LRBA: variants seen among roughly 807,000 people sequenced by gnomAD.
LRBA encodes LPS responsive beige-like anchor protein, also known as lipopolysaccharide-responsive and beige-like anchor protein.
A neutral mutation model predicts 330.0 loss-of-function variants in LRBA; 176 were observed. The observed-to-expected ratio is 0.53, with a 90% CI of 0.47 to 0.60. LRBA has a LOEUF of 0.60. Ranked by LOEUF, LRBA falls within the 20% of genes least tolerant of loss-of-function variation. The probability of loss-of-function intolerance (pLI) is 0.00; values close to 1 mark genes in which losing one functional copy is unlikely to be tolerated. For missense variants in LRBA, 3,259 were observed against 3,444.8 expected (o/e 0.95, Z 1.35); for synonymous variants, 1,230 against 1,193.0 (o/e 1.03, Z -0.64).
chr4:150,912,852 C>CGAAG (rs1330262749), intron 9 of LRBA, among the ~76,000 whole-genome samples: 3 of 152,134 alleles, frequency 2.0e-5, no homozygotes, highest in Non-Finnish European at 4.4e-5. Context: ...CCATAATCTT[C>CGAAG]TCTCTTAGAC....
intron 48 of LRBA, among the ~76,000 whole-genome samples, chr4:150,346,915 T>C (rs761974988): frequency 1.1e-4 from 17 of 152,148 alleles, no homozygotes; most frequent in Non-Finnish European, 2.5e-4. Context: ...TGTACATCCA[T>C]ACTCTTGGCC....
intron 46 of LRBA, among the ~76,000 whole-genome samples, chr4:150,431,107 A>C (rs1297365204): frequency 6.6e-6 from 1 of 152,190 alleles, no homozygotes. Context: ...GTTACATAAA[A>C]TTTGGTCATA....
At chr4:150,849,976 T>TA (rs905917321) in intron 24 of LRBA, among the ~76,000 whole-genome samples, 1 of 151,156 alleles carries the variant, frequency 6.6e-6, no homozygotes, top group African/African-American at 2.4e-5. Context: ...CTTACACAAA[T>TA]AAAAAAAAAT....
chr4:150,978,532 C>T (rs562702669), intron 2 of LRBA, among the ~76,000 whole-genome samples: 1 of 152,276 alleles, frequency 6.6e-6, no homozygotes, highest in East Asian at 1.9e-4. Flanking sequence ...CAAAAAACTA[C>T]ATAAAGAACC....
chr4:150,558,671 C>T (rs950596971), intron 40 of LRBA, among the ~76,000 whole-genome samples: 2 of 152,128 alleles, frequency 1.3e-5, no homozygotes, highest in African/African-American at 4.8e-5. Context: ...ATTGAGTATT[C>T]TCATTGCTAC....
intron 35 of LRBA, among the ~76,000 whole-genome samples, chr4:150,760,102 G>C (rs1734869236): frequency 6.6e-6 from 1 of 152,076 alleles, no homozygotes; most frequent in Admixed American, 6.6e-5. Context: ...CAGAACATTT[G>C]TGTATTTAAT....
intron 2 of LRBA, among the ~76,000 whole-genome samples, chr4:150,954,082 C>A (rs1284277538): frequency 6.7e-6 from 1 of 149,892 alleles, no homozygotes; most frequent in Non-Finnish European, 1.5e-5. Context: ...GCCCCTCCAC[C>A]CAGCAGCCGC....
chr4:150,315,862 G>A (rs1158513671), intron 50 of LRBA, among the ~76,000 whole-genome samples: 1 of 152,160 alleles, frequency 6.6e-6, no homozygotes, highest in South Asian at 2.1e-4. Flanking sequence ...TAGGCCATAA[G>A]CTATAGCAGA....
chr4:150,965,798 C>T (rs1237700743), intron 2 of LRBA, among the ~76,000 whole-genome samples: 2 of 151,896 alleles, frequency 1.3e-5, no homozygotes, highest in Non-Finnish European at 2.9e-5. Context: ...TCCACCTCGG[C>T]CTTGCAAAGT....
intron 2 of LRBA, among the ~76,000 whole-genome samples, chr4:150,965,723 TA>T (rs1326076114): frequency 6.6e-6 from 1 of 151,422 alleles, no homozygotes; most frequent in Admixed American, 6.6e-5. Flanking sequence ...TTTTTTTTTT[TA>T]ATACAGATGG....
intron 46 of LRBA, among the ~76,000 whole-genome samples, chr4:150,428,920 C>T (rs1268062125): frequency 6.6e-6 from 1 of 152,096 alleles, no homozygotes; most frequent in Admixed American, 6.5e-5. Flanking sequence ...ACTTCCCTTG[C>T]TCAGAACCCT....
At chr4:150,818,664 C>T (rs1051568804) in intron 30 of LRBA, among the ~76,000 whole-genome samples, 4 of 151,786 alleles carry the variant, frequency 2.6e-5, no homozygotes, top group Non-Finnish European at 5.9e-5. Context: ...AAATTTAAAA[C>T]CCATTGCTTA....
intron 37 of LRBA, among the ~76,000 whole-genome samples, chr4:150,622,993 G>A (rs370953312): frequency 2.0e-4 from 31 of 152,142 alleles, no homozygotes; most frequent in African/African-American, 5.3e-4. Context: ...CACCGCGCCC[G>A]GCCAACAATC....
intron 37 of LRBA, among the ~76,000 whole-genome samples, chr4:150,636,366 C>T (rs1012722718): frequency 5.3e-5 from 8 of 151,976 alleles, no homozygotes; most frequent in Admixed American, 1.3e-4. Flanking sequence ...TCTATTTTGA[C>T]GTTTGACTGT....
intron 36 of LRBA, among the ~76,000 whole-genome samples, chr4:150,697,334 A>AC (rs1561527542): frequency 8.8e-5 from 13 of 147,164 alleles, no homozygotes; most frequent in African/African-American, 3.0e-4. Context: ...AGAAAAAAAA[A>AC]AAAAAAAAAA....
intron 36 of LRBA, among the ~76,000 whole-genome samples, chr4:150,710,339 C>A (rs1786057471): frequency 1.3e-5 from 2 of 152,054 alleles, no homozygotes; most frequent in Admixed American, 1.3e-4. Context: ...GGGGAATATA[C>A]AGTTTTAGAA....
intron 2 of LRBA, among the ~76,000 whole-genome samples, chr4:150,991,867 T>G (rs528935170): frequency 6.6e-6 from 1 of 152,306 alleles, no homozygotes; most frequent in African/African-American, 2.4e-5. Context: ...AAGCTCATGA[T>G]CTAATGAGAG....
chr4:150,651,751 A>G (rs943028334), intron 37 of LRBA, among the ~76,000 whole-genome samples: 1 of 152,210 alleles, frequency 6.6e-6, no homozygotes, highest in Non-Finnish European at 1.5e-5. Flanking sequence ...TCAGTAGGCA[A>G]TGTATTATGT....
intron 56 of LRBA, among the ~76,000 whole-genome samples, chr4:150,272,887 C>T (rs1012180640): frequency 6.6e-6 from 1 of 152,122 alleles, no homozygotes; most frequent in Non-Finnish European, 1.5e-5. Context: ...AAACACTCTG[C>T]AGGATATTAT....
Sources: gnomAD v4.1 joint callset for allele counts (sites outside exome capture counted in the v4.1 genomes callset) on GRCh38, gnomAD v4.1.1 for gene constraint, MANE v1.5 for transcripts, NCBI Gene and HGNC (gene_info 2026-07-23, HGNC 2026-07-21) for gene names.